TCERG1L: variants seen among roughly 807,000 people sequenced by gnomAD.
TCERG1L encodes the protein transcription elongation regulator 1 like, also known as transcription elongation regulator 1-like protein.
Under a neutral mutation model 56.3 loss-of-function variants are expected in TCERG1L, and 37 were observed. That is an observed-to-expected ratio of 0.66 (90% CI 0.51 to 0.87). The LOEUF (loss-of-function observed/expected upper bound fraction) is 0.87, where lower values mean the gene tolerates loss of function less well. Among genes scored for constraint, TCERG1L ranks in the 40% least tolerant of loss-of-function variants. TCERG1L has a pLI of 0.00. For missense variants in TCERG1L, 799 were observed against 774.2 expected (o/e 1.03, Z -0.38); for synonymous variants, 324 against 326.3 (o/e 0.99, Z 0.08).
chr10:131,251,571 T>C (rs1393924465), intron 4 of TCERG1L, among the ~76,000 whole-genome samples: 5 of 152,140 alleles, frequency 3.3e-5, no homozygotes. Context: ...TGGCCAGATA[T>C]CCGGTCGCTG....
intron 4 of TCERG1L, among the ~76,000 whole-genome samples, chr10:131,229,647 A>C (rs979704764): frequency 1.3e-5 from 2 of 152,156 alleles, no homozygotes; most frequent in Non-Finnish European, 2.9e-5. Context: ...AGACACATAG[A>C]GATATAGAAT....
chr10:131,261,372 T>C (rs551082582), intron 3 of TCERG1L, among the ~76,000 whole-genome samples: 31 of 152,352 alleles, frequency 2.0e-4, no homozygotes, highest in African/African-American at 7.2e-4. Flanking sequence ...TCACTACTCT[T>C]GATCTGGCAC....
intron 3 of TCERG1L, among the ~76,000 whole-genome samples, chr10:131,278,962 A>G (rs1263378011): frequency 4.6e-5 from 7 of 152,048 alleles, no homozygotes; most frequent in African/African-American, 1.7e-4. Flanking sequence ...TTCTGCTGCC[A>G]CTGTGTGTGC....
intron 4 of TCERG1L, among the ~76,000 whole-genome samples, chr10:131,173,979 C>T (rs1589736581): frequency 6.6e-6 from 1 of 152,300 alleles, no homozygotes; most frequent in African/African-American, 2.4e-5. Flanking sequence ...GGGACCAAAC[C>T]CCTCAAGAAG....
At chr10:131,275,228 T>G (rs1270495141) in intron 3 of TCERG1L, among the ~76,000 whole-genome samples, 3 of 152,162 alleles carry the variant, frequency 2.0e-5, no homozygotes, top group Non-Finnish European at 4.4e-5. Context: ...AAAATGTCAC[T>G]GGGCCCCACC....
rs191843864 is a variant in TCERG1L, at chr10:131,215,656, C to T, written c.856+44603G>A. ...CAGCCCATGGGAGGGTGTTTGACTA[C>T]AGCCAGAGAGAGGGGCTGTGGAGAG... On this transcript the variant is annotated intron_variant, in intron 4 of 11. Transcript: ENST00000368642. 7.0e-4 allele frequency among the ~76,000 whole-genome samples: 107 copies of T among 152,224 alleles called. 2 individuals carry two copies. The highest frequency in any genetic ancestry group is 2.4e-3 in the African/African-American group (99 of 41,540).
At chr10:131,221,497 G>A (rs775231102) in intron 4 of TCERG1L, among the ~76,000 whole-genome samples, 3 of 152,226 alleles carry the variant, frequency 2.0e-5, no homozygotes, top group East Asian at 1.9e-4. Context: ...CGAGGAAAGC[G>A]GCGGTCTTCT....
intron 6 of TCERG1L, among the ~76,000 whole-genome samples, chr10:131,152,244 C>T (rs1845873463): frequency 6.6e-6 from 1 of 152,194 alleles, no homozygotes; most frequent in Admixed American, 6.5e-5. Flanking sequence ...TATGCTCTTC[C>T]TCCTCTTGAA....
intron 4 of TCERG1L, among the ~76,000 whole-genome samples, chr10:131,220,525 T>TA (rs1845718588): frequency 6.6e-6 from 1 of 152,204 alleles, no homozygotes; most frequent in African/African-American, 2.4e-5. Context: ...CTACTGACCT[T>TA]ACTTGGTGTC....
At chr10:131,165,304 T>C (rs1249423689) in intron 5 of TCERG1L, among the ~76,000 whole-genome samples, 1 of 152,148 alleles carries the variant, frequency 6.6e-6, no homozygotes, top group Non-Finnish European at 1.5e-5. Flanking sequence ...AGGGTGAACC[T>C]GGGAAGGGCA....
At chr10:131,220,103 G>A (rs543022799) in intron 4 of TCERG1L, among the ~76,000 whole-genome samples, 5 of 152,164 alleles carry the variant, frequency 3.3e-5, no homozygotes, top group South Asian at 2.1e-4. Flanking sequence ...CCTGGCACCC[G>A]CATGGCCTTT....
At chr10:131,295,892 A>C (rs537585299) in intron 3 of TCERG1L, among the ~76,000 whole-genome samples, 8 of 152,070 alleles carry the variant, frequency 5.3e-5, no homozygotes, top group Non-Finnish European at 1.0e-4. Flanking sequence ...TCCTGTGCTT[A>C]TTGGCAATCC....
At chr10:131,262,830 C>T (rs1316129325) in intron 3 of TCERG1L, among the ~76,000 whole-genome samples, 1 of 152,136 alleles carries the variant, frequency 6.6e-6, no homozygotes, top group Non-Finnish European at 1.5e-5. Context: ...CTGTTCATCC[C>T]TCCCTCCCCC....
intron 8 of TCERG1L, 25 bp downstream of exon 8, chr10:131,134,354 G>T: frequency 6.4e-7 from 1 of 1,565,784 alleles, no homozygotes; most frequent in African/African-American, 1.4e-5. Flanking sequence ...GGAAAGATCT[G>T]CTGGGGAAGA....
At chr10:131,224,398 C>A (rs184372468) in intron 4 of TCERG1L, among the ~76,000 whole-genome samples, 1 of 152,320 alleles carries the variant, frequency 6.6e-6, no homozygotes, top group Non-Finnish European at 1.5e-5. Flanking sequence ...CCCTGAGCAA[C>A]GAGCCACATC....
chr10:131,143,611 A>G (rs1429230945), intron 7 of TCERG1L, among the ~76,000 whole-genome samples: 1 of 151,992 alleles, frequency 6.6e-6, no homozygotes, highest in Non-Finnish European at 1.5e-5. Context: ...CTACCAAGAG[A>G]GGGTTTGGCT....
rs1002264430 is a variant in TCERG1L at position 131,260,622 on chromosome 10, T to C, written c.671-178A>G. Among the ~76,000 whole-genome samples, 1 of 152,052 alleles carries C rather than the reference T, an allele frequency of 6.6e-6. No individual in the cohort carries two copies. Among genetic ancestry groups the C allele is most frequent in the Non-Finnish European group, 1.5e-5 (1 of 68,000 alleles). The stretch of plus-strand genomic sequence containing the variant: ...CCGCAGAACAAATGCTTCTGATGAG[T>C]TCTCCATCAGTCAAACGCTGCCATG... On this transcript the variant is annotated intron_variant, in intron 3 of 11. Coordinates refer to ENST00000368642, the MANE Select transcript of TCERG1L (RefSeq NM_174937.4). This position sits in a 1 kb window ranked among gnomAD's most constrained non-coding sequence, Gnocchi z 5.8.
chr10:131,110,020 G>A lies in TCERG1L; in HGVS notation c.1396-5666C>T, dbSNP rs117055604. ...CAGCAGGTGTCCTTGACTGCAGGTC[G>A]CGTGTGGCACCGTCCCAGCCCGCAG... On this transcript the variant is annotated intron_variant, in intron 9 of 11. Transcript: ENST00000368642. 2.6e-4 allele frequency among the ~76,000 whole-genome samples: 40 copies of A among 152,304 alleles called. No individual in the cohort carries two copies. The East Asian group carries it at 6.6e-3, about 25-fold the overall frequency.
intron 4 of TCERG1L, among the ~76,000 whole-genome samples, chr10:131,198,877 A>G (rs1365717196): frequency 6.6e-6 from 1 of 152,246 alleles, no homozygotes; most frequent in Non-Finnish European, 1.5e-5. Flanking sequence ...GCACCTGCAG[A>G]GGCAGCGCCA....
Sources: gnomAD v4.1 joint callset for allele counts (sites outside exome capture counted in the v4.1 genomes callset) on GRCh38, gnomAD v4.1.1 for gene constraint, Gnocchi (gnomAD v3.1) non-coding constraint, MANE v1.5 for transcripts, NCBI Gene and HGNC (gene_info 2026-07-23, HGNC 2026-07-21) for gene names.